CEP290: variants seen among roughly 807,000 people sequenced by gnomAD.
CEP290 encodes the protein centrosomal protein 290, also known as centrosomal protein of 290 kDa.
A neutral mutation model predicts 344.9 loss-of-function variants in CEP290; 317 were observed. The observed-to-expected ratio is 0.92, with a 90% CI of 0.84 to 1.01. CEP290 has a LOEUF of 1.01. Among genes scored for constraint, CEP290 ranks in the 50% least tolerant of loss-of-function variants. The pLI is 0.00. For missense variants in CEP290, 2,754 were observed against 2,761.4 expected, an observed-to-expected ratio of 1.00 and a Z score of 0.06; for synonymous variants, 932 against 895.8, an observed-to-expected ratio of 1.04 and a Z score of -0.72.
At chr12:88,131,387 C>T (rs912363761) in intron 6 of CEP290, among the ~76,000 whole-genome samples, 169 bp from the exon 7 acceptor site, 2 of 151,680 alleles carry the variant, frequency 1.3e-5, no homozygotes, top group East Asian at 1.9e-4. Flanking sequence ...CTCAGCCTAC[C>T]GAGTAGCTGG....
In CEP290 at chr12:88,068,581, G is replaced by A; in HGVS notation, c.6076C>T (p.Gln2026Ter). 6.3e-7 allele frequency: 1 copy of A among 1,588,652 alleles called. No homozygotes were observed. Among genetic ancestry groups the A allele is most frequent in the Non-Finnish European group, 8.5e-7 (1 of 1,169,782 alleles). ...TTTTCTAAAGCATGAAGTTTTTCTT[G>A]GAGGTATCTATTTTGTAAATGTAAA... Reference protein sequence around the residue: ...EDLHLQNRYLQEKLHALEKQF... With the variant: ...EDLHLQNRYL The change falls in exon 44 of 54, where the codon CAA (glutamine) becomes TAA (stop). Residue 2026 changes from glutamine to a stop codon, truncating the protein, a stop_gained. Transcript: ENST00000552810. LOFTEE classifies it high-confidence loss of function.
In CEP290 at chr12:88,098,994, C is replaced by T. The variant is rs77771420; in HGVS notation, c.2992-1995G>A. ...GACAAGGAACTGGAATTTAACTTAA[C>T]GTATAAAAGAAAACAATTTAAAGAT... On this transcript the variant is annotated intron_variant, in intron 26 of 53. Transcript: ENST00000552810. Among the ~76,000 whole-genome samples the T allele has an allele frequency of 7.6e-3, 1,152 of 152,132 alleles. 20 individuals are homozygous for T. The highest frequency in any genetic ancestry group is 0.027 in the African/African-American group (1,104 of 41,484).
chr12:88,065,378 G>A (rs745333466), intron 44 of CEP290, among the ~76,000 whole-genome samples: 3 of 151,934 alleles, frequency 2.0e-5, no homozygotes, highest in East Asian at 1.9e-4. Context: ...CACATATGTC[G>A]TAGCAAAAAA....
At chr12:88,086,274 A>G (rs2036567285) in intron 33 of CEP290, 101 bp from the exon 34 acceptor site, 2 of 1,447,804 alleles carry the variant, frequency 1.4e-6, no homozygotes, top group Non-Finnish European at 9.3e-7. Context: ...AACCCCTCTT[A>G]TATTTTAAAT....
At chr12:88,056,868 A>C (rs2034050263) in intron 49 of CEP290, among the ~76,000 whole-genome samples, 1 of 152,130 alleles carries the variant, frequency 6.6e-6, no homozygotes. Context: ...AACTTTAGTA[A>C]CTTTTTTTCT....
chr12:88,117,191 C>A (rs1459939829), intron 17 of CEP290, 46 bp from the exon 18 acceptor site: 1 of 883,242 alleles, frequency 1.1e-6, no homozygotes, highest in South Asian at 1.7e-5. Context: ...AAATAACCCT[C>A]CTACTATTCC....
At chr12:88,112,307 T>C (rs2038745043) in intron 20 of CEP290, among the ~76,000 whole-genome samples, 1 of 152,146 alleles carries the variant, frequency 6.6e-6, no homozygotes, top group Non-Finnish European at 1.5e-5. Flanking sequence ...ATATAGCACC[T>C]GCATTCAAAG....
chr12:88,061,666 T>G (rs1164857839), intron 46 of CEP290, among the ~76,000 whole-genome samples: 1 of 152,214 alleles, frequency 6.6e-6, no homozygotes, highest in Non-Finnish European at 1.5e-5. Context: ...TTTTACATCA[T>G]TTTAGTATGC....
In CEP290 at chr12:88,114,415, C is replaced by G. The variant is rs777768957; in HGVS notation, c.2052+5G>C. 6.5e-7 allele frequency: 1 copy of G among 1,536,804 alleles called. No individual in the cohort carries two copies. Among genetic ancestry groups the G allele is most frequent in the South Asian group, 1.2e-5 (1 of 80,836 alleles). ...AAAAACATTAACATGAAAAAAATAA[C>G]TTACATTAACTAGTCTTTCAAGGCT... On this transcript the variant is annotated splice_donor_5th_base_variant and intron_variant, in intron 20 of 53. Transcript: ENST00000552810.
chr12:88,117,344 C>A (rs2039116486), intron 17 of CEP290, among the ~76,000 whole-genome samples, 199 bp from the exon 18 acceptor site: 1 of 152,116 alleles, frequency 6.6e-6, no homozygotes, highest in Admixed American at 6.5e-5. Context: ...ATGTGAGAAC[C>A]TAATTTTTGA....
intron 9 of CEP290, 96 bp downstream of exon 9, chr12:88,130,172 G>A: frequency 8.2e-7 from 1 of 1,222,370 alleles, no homozygotes; most frequent in Non-Finnish European, 1.1e-6. Flanking sequence ...ATTTATACCA[G>A]GGAATTTACA....
In CEP290 at chr12:88,105,933, A is replaced by G. The variant is rs7966435; in HGVS notation, c.2817+742T>C. Among the ~76,000 whole-genome samples, 3 of 152,176 alleles carry G rather than the reference A, an allele frequency of 2.0e-5. No homozygotes were observed. The South Asian group carries it at 6.2e-4, about 32-fold the overall frequency. On this transcript the variant is annotated intron_variant, in intron 25 of 53. Transcript: ENST00000552810. Reference sequence around the variant, plus strand: ...TAATTAAAAACAAACAAACAAAAAAAAAAACATTTTTTGTAGAGACGGAGT... The same window carrying G: ...TAATTAAAAACAAACAAACAAAAAAGAAAACATTTTTTGTAGAGACGGAGT...
At chr12:88,096,394 T>C (rs1042466457) in intron 27 of CEP290, among the ~76,000 whole-genome samples, 52 of 152,214 alleles carry the variant, frequency 3.4e-4, no homozygotes, top group African/African-American at 1.2e-3. Context: ...TAAAACCATG[T>C]TTATAATAAT....
intron 39 of CEP290, 36 bp from the exon 40 acceptor site, chr12:88,077,954 C>T (rs1024803370): frequency 3.5e-6 from 3 of 864,502 alleles, no homozygotes; most frequent in Non-Finnish European, 5.2e-6. Flanking sequence ...ATTCATGACT[C>T]TTCAAGAAGT....
chr12:88,077,255 C>T lies in CEP290; in HGVS notation c.5676G>A (p.Val1892=), dbSNP rs2137049568. 1.2e-6 allele frequency: 2 copies of T among 1,605,466 alleles called. No individual in the cohort carries two copies. Among genetic ancestry groups the T allele is most frequent in the African/African-American group, 1.3e-5 (1 of 74,664 alleles). The stretch of plus-strand genomic sequence containing the variant: ...TCATAGGTTTTAGGTCTACTTCCTC[C>T]ACCTTTCCCTCTAATTGGTTCTCTA... ...KKLENQLEGK[V]EEVDLKPMKE... is the part of the protein sequence containing the mutation. The change falls in exon 41 of 54, where the codon GTG becomes GTA. Residue 1892 remains valine (V), a synonymous_variant. Coordinates refer to ENST00000552810, the MANE Select transcript of CEP290 (RefSeq NM_025114.4).
chr12:88,090,794 C>G lies in CEP290; in HGVS notation c.3507G>C (p.Leu1169Phe). The G allele has an allele frequency of 6.4e-7, 1 of 1,561,568 alleles. No individual in the cohort carries two copies. The highest frequency in any genetic ancestry group is 1.2e-5 in the South Asian group (1 of 84,714). ...TGTCCCTAGATTGTTGTTGTGCATT[C>G]AAAATTTCAACTTGTCTTCTGGCAA... ...SDIARRQVEI[L>F]NAQQQSRDKE... Residue 1169 changes from leucine to phenylalanine, a missense_variant, in exon 30 of 54, where the codon TTG becomes TTC. Coordinates refer to ENST00000552810, the MANE Select transcript of CEP290 (RefSeq NM_025114.4).
Position 88,113,740 on chromosome 12 carries a change from A to C in CEP290, c.2052+680T>G, listed in dbSNP as rs910604919. Among the ~76,000 whole-genome samples the C allele has an allele frequency of 6.6e-5, 10 of 152,094 alleles. No homozygotes were observed. In the East Asian group the frequency reaches 1.7e-3, roughly 26 times the overall value. Reference sequence around the variant, plus strand: ...GAAATTCTCAAGTCCCTATATGGTAAATATATATAGAATATTAGTGATGGC... The same window carrying C: ...GAAATTCTCAAGTCCCTATATGGTACATATATATAGAATATTAGTGATGGC... On this transcript the variant is annotated intron_variant, in intron 20 of 53. Coordinates refer to ENST00000552810, the MANE Select transcript of CEP290 (RefSeq NM_025114.4).
intron 48 of CEP290, among the ~76,000 whole-genome samples, chr12:88,059,608 C>T (rs922877144): frequency 4.6e-5 from 7 of 152,176 alleles, no homozygotes; most frequent in Non-Finnish European, 8.8e-5. Context: ...GGGGTTTCAC[C>T]GTGTTAGCCA....
At chr12:88,050,256 T>C in intron 53 of CEP290, 98 bp downstream of exon 53, 1 of 645,890 alleles carries the variant, frequency 1.5e-6, no homozygotes, top group Non-Finnish European at 2.7e-6. Flanking sequence ...TAAGATGTTA[T>C]TACTGAATTT....
Sources: allele counts gnomAD v4.1 joint callset (sites outside exome capture counted in the v4.1 genomes callset), GRCh38; gene constraint gnomAD v4.1.1; transcripts MANE v1.5; gene names NCBI Gene and HGNC (gene_info 2026-07-23, HGNC 2026-07-21).